The following RASD1 variants were observed in gnomAD, a reference collection of about 807,000 sequenced individuals.
The protein encoded by RASD1 is ras related dexamethasone induced 1.
Under a neutral mutation model 16.7 loss-of-function variants are expected in RASD1, and 13 were observed. The ratio of observed to expected loss-of-function variants is 0.78; its 90% CI spans 0.51 to 1.24. The LOEUF (loss-of-function observed/expected upper bound fraction) is 1.24. Ranked by LOEUF, RASD1 falls within the 50% of genes most tolerant of loss-of-function variation. The pLI is 0.00. For missense variants in RASD1, 397 were observed against 407.5 expected (o/e 0.97, Z 0.22); for synonymous variants, 170 against 172.6 (o/e 0.98, Z 0.12).
chr17:17,494,849 C>T lies in RASD1; in HGVS notation c.*276G>A. 1.8e-6 allele frequency: 1 copy of T among 548,342 alleles called. No homozygotes were observed. The highest frequency in any genetic ancestry group is 2.2e-5 in the South Asian group (1 of 44,874). 34.0% of individuals were successfully genotyped at this position (548,342 alleles called of 1,614,324 possible). ...TAGGTCTTTGAGAAGATAAATCCAC[C>T]CTCGGCTGGGCCCTCGCTCCCAAAG... On this transcript the variant is annotated 3_prime_UTR_variant, in exon 2 of 2. Coordinates refer to ENST00000225688, the MANE Select transcript of RASD1 (RefSeq NM_016084.5).
At position 17,494,964 on chromosome 17, in the gene RASD1, G is replaced by A. The variant is rs11545787; in HGVS notation, c.*161C>T. The A allele has an allele frequency of 0.23, 196,971 of 872,972 alleles. 23,333 individuals carry two copies. The highest frequency in any genetic ancestry group is 0.26 in the South Asian group (14,566 of 56,608). 54.1% of individuals were successfully genotyped at this position (872,972 alleles called of 1,614,324 possible). On this transcript the variant is annotated 3_prime_UTR_variant, in exon 2 of 2. Transcript: ENST00000225688. ...CTCTTTCCTTCCGGAGCAGATGACC[G>A]TCCCTTCTCGGTTCAGTGGCGCCTC...
chr17:17,495,499 G>C lies in RASD1; in HGVS notation c.472C>G (p.Arg158Gly). The C allele has an allele frequency of 6.2e-7, 1 of 1,611,562 alleles. No individual in the cohort carries two copies. Among genetic ancestry groups the C allele is most frequent in the South Asian group, 1.1e-5 (1 of 90,690 alleles). The change falls in exon 2 of 2, where the codon CGC becomes GGC. Residue 158 changes from arginine to glycine, a missense_variant. Physicochemically the swap from Arg to Gly is moderately radical, Grantham distance 125 (BLOSUM62 -2). Coordinates refer to ENST00000225688, the MANE Select transcript of RASD1 (RefSeq NM_016084.5). Reference sequence around the variant, plus strand: ...TCGCCCACCAGCTGCTCGATCTCGCGCTGGTCCACCTCGCGGTAGAAGTCG... The same window carrying C: ...TCGCCCACCAGCTGCTCGATCTCGCCCTGGTCCACCTCGCGGTAGAAGTCG... ...DRDFYREVDQ[R>G]EIEQLVGDDP...
At chr17:17,495,797 G>A in intron 1 of RASD1, 99 bp downstream of exon 1, 1 of 1,379,816 alleles carries the variant, frequency 7.2e-7, no homozygotes, top group Non-Finnish European at 9.5e-7. Flanking sequence ...AGCGCGAAGC[G>A]CACTACTCGG....
chr17:17,495,187 T>G lies in RASD1; in HGVS notation c.784A>C (p.Ile262Leu), dbSNP rs1348044475. 6.2e-7 allele frequency: 1 copy of G among 1,611,814 alleles called. No individual in the cohort carries two copies. Among genetic ancestry groups the G allele is most frequent in the South Asian group, 1.1e-5 (1 of 91,044 alleles). The change falls in exon 2 of 2, where the codon ATC (isoleucine) becomes CTC (leucine). Residue 262 changes from isoleucine to leucine, a missense_variant. Physicochemically the swap from Ile to Leu is conservative, Grantham distance 5 (BLOSUM62 2). Coordinates refer to ENST00000225688, the MANE Select transcript of RASD1 (RefSeq NM_016084.5). ...CTGCCGGCGCTGGCCTTCTCGCGGA[T>G]GTACATGAGGTCGCTGTGTACGCTG... The part of the protein sequence containing the change: ...RPSVHSDLMY[I>L]REKASAGSQA...
At position 17,495,271 on chromosome 17, in the gene RASD1, C is replaced by CGCCGCT. The variant is rs769104418; in HGVS notation, c.694_699dup (p.Ser232_Gly233dup). 1.3e-5 allele frequency: 21 copies of CGCCGCT among 1,564,768 alleles called. No individual in the cohort carries two copies. The highest frequency in any genetic ancestry group is 4.8e-5 in the East Asian group (2 of 42,082). ...GCGTCGCCCGGGTCGCCGCCGCCGC[C>CGCCGCT]GCCGCTGCCGGCCCGCAGCAGCTTC... On this transcript the variant is annotated inframe_insertion, in exon 2 of 2. Transcript: ENST00000225688.
Position 17,496,327 on chromosome 17 carries a change from G to T in RASD1, c.-146C>A. On this transcript the variant is annotated 5_prime_UTR_variant, in exon 1 of 2. Transcript: ENST00000225688. ...CGGGCTTGGGGCTCCGGCTCCGCTC[G>T]GGCTGGGCTCGGGCTAGGCTGGGCT... 1.2e-6 allele frequency: 1 copy of T among 848,080 alleles called. No homozygotes were observed. Among genetic ancestry groups the T allele is most frequent in the Non-Finnish European group, 1.7e-6 (1 of 579,262 alleles). 52.5% of individuals were successfully genotyped at this position (848,080 alleles called of 1,614,324 possible). A position where few individuals can be genotyped will look rare whatever the true frequency, so the allele number is the denominator to read the frequency against.
rs142212750 is a variant in RASD1, at chr17:17,495,403, C to T, written c.568G>A (p.Ala190Thr). The part of the protein sequence containing the change: ...KNSSLDQMFR[A>T]LFAMAKLPSE... ...GGCAGCTTGGCCATGGCGAAGAGCG[C>T]GCGGAACATCTGGTCCAGGCTGCTG... The change falls in exon 2 of 2, where the codon GCG (alanine) becomes ACG (threonine). Residue 190 changes from alanine to threonine, a missense_variant. By Grantham distance (58) the Ala-to-Thr change is moderately conservative. Coordinates refer to ENST00000225688, the MANE Select transcript of RASD1 (RefSeq NM_016084.5). The T allele has an allele frequency of 3.9e-5, 63 of 1,603,824 alleles. No homozygotes were observed. In the African/African-American group the frequency reaches 8.0e-4, roughly 20 times the overall value.
At position 17,495,451 on chromosome 17, in the gene RASD1, A is replaced by G; in HGVS notation, c.520T>C (p.Phe174Leu). 6.2e-7 allele frequency: 1 copy of G among 1,608,280 alleles called. No individual in the cohort carries two copies. Among genetic ancestry groups the G allele is most frequent in the Non-Finnish European group, 8.5e-7 (1 of 1,177,472 alleles). The change falls in exon 2 of 2, where the codon TTC becomes CTC. Residue 174 changes from phenylalanine (F) to leucine (L), a missense_variant. Phe to Leu is a conservative substitution (Grantham distance 22). Coordinates refer to ENST00000225688, the MANE Select transcript of RASD1 (RefSeq NM_016084.5). ...CTGTTCTTCTTGGCCGAGATCTCGA[A>G]GTAGGCGCAGCGCTGGGGGTCGTCG... is the stretch of plus-strand genomic sequence containing the variant. ...VGDDPQRCAY[F>L]EISAKKNSSL... is the part of the protein sequence containing the mutation.
In RASD1 at chr17:17,495,285, C is replaced by G; in HGVS notation, c.686G>C (p.Arg229Pro). The change falls in exon 2 of 2, where the codon CGG (arginine) becomes CCG (proline). Residue 229 changes from arginine to proline, a missense_variant. Coordinates refer to ENST00000225688, the MANE Select transcript of RASD1 (RefSeq NM_016084.5). Reference protein sequence around the residue: ...KKALRNKKLLRAGSGGGGGDP... With the variant: ...KKALRNKKLLPAGSGGGGGDP... ...GCCGCCGCCGCCGCCGCTGCCGGCC[C>G]GCAGCAGCTTCTTGTTCCGCAGCGC... 1 of 1,560,442 alleles carries G rather than the reference C, an allele frequency of 6.4e-7. No individual in the cohort carries two copies. The highest frequency in any genetic ancestry group is 8.7e-7 in the Non-Finnish European group (1 of 1,152,826).
chr17:17,495,824 C>G, intron 1 of RASD1, 72 bp downstream of exon 1: 1 of 1,488,902 alleles, frequency 6.7e-7, no homozygotes, highest in Non-Finnish European at 8.9e-7. Context: ...GCAGCCGGAC[C>G]GGCGCTCGCG....
In RASD1 at chr17:17,495,177, T is replaced by G. The variant is rs1364211448; in HGVS notation, c.794A>C (p.Lys265Thr). 3 of 1,611,780 alleles carry G rather than the reference T, an allele frequency of 1.9e-6. No individual in the cohort carries two copies. The highest frequency in any genetic ancestry group is 1.1e-5 in the South Asian group (1 of 91,056). The change falls in exon 2 of 2, where the codon AAG becomes ACG. Residue 265 changes from lysine to threonine, a missense_variant. By Grantham distance (78) the Lys-to-Thr change is moderately conservative (BLOSUM62 -1). Transcript: ENST00000225688. ...CTTGGCCTGGCTGCCGGCGCTGGCC[T>G]TCTCGCGGATGTACATGAGGTCGCT... The part of the protein sequence containing the change: ...VHSDLMYIRE[K>T]ASAGSQAKDK...
rs1407197504 is a variant in RASD1, at chr17:17,495,255, G to C, written c.716C>G (p.Pro239Arg). ...TGCCACGATGCCAAAGGCGTCGCCC[G>C]GGTCGCCGCCGCCGCCGCCGCTGCC... is the stretch of plus-strand genomic sequence containing the variant. ...RAGSGGGGGD[P>R]GDAFGIVAPF... The change falls in exon 2 of 2, where the codon CCG (proline) becomes CGG (arginine). Residue 239 changes from proline to arginine, a missense_variant. Transcript: ENST00000225688. 3 of 1,578,060 alleles carry C rather than the reference G, an allele frequency of 1.9e-6. No individual in the cohort carries two copies. In the African/African-American group the frequency reaches 4.1e-5, roughly 21 times the overall value.
chr17:17,495,718 G>A (rs769331178), intron 1 of RASD1, 34 bp from the exon 2 acceptor site: 7 of 1,557,602 alleles, frequency 4.5e-6, no homozygotes, highest in Non-Finnish European at 5.2e-6. Context: ...AAAGGAGAAG[G>A]TGAGGGTGGC....
Position 17,495,056 on chromosome 17 carries a change from C to T in RASD1, c.*69G>A. The T allele has an allele frequency of 6.4e-7, 1 of 1,567,326 alleles. No homozygotes were observed. On this transcript the variant is annotated 3_prime_UTR_variant, in exon 2 of 2. Transcript: ENST00000225688. ...CCGCGCGCGCTCCCGGCCTGGGGCG[C>T]ACCGGGCCGTTGGATTTGACTTAAC...
At position 17,495,553 on chromosome 17, in the gene RASD1, G is replaced by A. The variant is rs746592975; in HGVS notation, c.418C>T (p.Leu140=). 2 of 1,612,900 alleles carry A rather than the reference G, an allele frequency of 1.2e-6. No individual in the cohort carries two copies. The highest frequency in any genetic ancestry group is 1.1e-5 in the South Asian group (1 of 90,960). Reference sequence around the variant, plus strand: ...TCACCCTTGTTGCCGCAGATGACCAGGGGCACGTCCACGTTCTCCTTGGTT... The same window carrying A: ...TCACCCTTGTTGCCGCAGATGACCAAGGGCACGTCCACGTTCTCCTTGGTT... ...NKTKENVDVP[L]VICGNKGDRD... is the part of the protein sequence containing the mutation. Residue 140 remains leucine, a synonymous_variant, in exon 2 of 2, where the codon CTG becomes TTG. Transcript: ENST00000225688.
In RASD1 at chr17:17,496,012, A is replaced by G. The variant is rs767245087; in HGVS notation, c.170T>C (p.Ile57Thr). The G allele has an allele frequency of 3.1e-6, 5 of 1,613,898 alleles. No homozygotes were observed. Among genetic ancestry groups the G allele is most frequent in the South Asian group, 1.1e-5 (1 of 91,094 alleles). The change falls in exon 1 of 2, where the codon ATC (isoleucine) becomes ACC (threonine). Residue 57 changes from isoleucine (I) to threonine (T), a missense_variant. Coordinates refer to ENST00000225688, the MANE Select transcript of RASD1 (RefSeq NM_016084.5). ...GRFEDAYTPT[I>T]EDFHRKFYSI... ...GTAGAACTTGCGGTGGAAGTCCTCGATGGTAGGCGTGTAGGCGTCCTCGAA... is the reference window on the plus strand; with the variant it reads ...GTAGAACTTGCGGTGGAAGTCCTCGGTGGTAGGCGTGTAGGCGTCCTCGAA...
chr17:17,496,100 C>G lies in RASD1; in HGVS notation c.82G>C (p.Val28Leu). The G allele has an allele frequency of 6.2e-7, 1 of 1,614,110 alleles. No individual in the cohort carries two copies. Reference protein sequence around the residue: ...SIPAKNCYRMVILGSSKVGKT... With the variant: ...SIPAKNCYRMLILGSSKVGKT... ...CCCACCTTGGACGAGCCGAGGATGA[C>G]CATGCGATAGCAGTTCTTGGCCGGG... The change falls in exon 1 of 2, where the codon GTC (valine) becomes CTC (leucine). Residue 28 changes from valine (V) to leucine (L), a missense_variant. Coordinates refer to ENST00000225688, the MANE Select transcript of RASD1 (RefSeq NM_016084.5).
rs774486321 is a variant in RASD1 at position 17,496,214 on chromosome 17, C to T, written c.-33G>A. Reference sequence around the variant, plus strand: ...AGGGGCCGCGAGGGCGGGCGCGGGGCCGAGAGAAGGGCAGAGAGCGGCTGA... The same window carrying T: ...AGGGGCCGCGAGGGCGGGCGCGGGGTCGAGAGAAGGGCAGAGAGCGGCTGA... On this transcript the variant is annotated 5_prime_UTR_variant, in exon 1 of 2. Transcript: ENST00000225688. The T allele has an allele frequency of 2.2e-5, 34 of 1,543,692 alleles. No homozygotes were observed. The highest frequency in any genetic ancestry group is 1.8e-4 in the Middle Eastern group (1 of 5,524).
rs767090310 is a variant in RASD1, at chr17:17,495,239, G to A, written c.732C>T (p.Gly244=). 3 of 1,603,248 alleles carry A rather than the reference G, an allele frequency of 1.9e-6. No homozygotes were observed. In the African/African-American group the frequency reaches 4.0e-5, roughly 21 times the overall value. The change falls in exon 2 of 2, where the codon GGC becomes GGT. Residue 244 remains glycine, a synonymous_variant. Coordinates refer to ENST00000225688, the MANE Select transcript of RASD1 (RefSeq NM_016084.5). ...GCCGGCGCGCGAAGGGTGCCACGAT[G>A]CCAAAGGCGTCGCCCGGGTCGCCGC... ...GGGGDPGDAF[G]IVAPFARRPS...
Sources: allele counts gnomAD v4.1 joint callset, GRCh38; gene constraint gnomAD v4.1.1; transcripts MANE v1.5; gene names NCBI Gene and HGNC (gene_info 2026-07-23, HGNC 2026-07-21).